Variants in PLA2R1 observed in about 807,000 individuals in gnomAD.
PLA2R1 encodes phospholipase A2 receptor 1.
Under a neutral mutation model 195.9 loss-of-function variants are expected in PLA2R1, and 158 were observed. The ratio of observed to expected loss-of-function variants is 0.81; its 90% CI spans 0.71 to 0.92. The LOEUF is 0.92. PLA2R1 is among the 40% of genes least tolerant of loss of function. The probability of loss-of-function intolerance (pLI) is 0.00; values close to 1 mark genes in which losing one functional copy is unlikely to be tolerated. For missense variants in PLA2R1, 1,626 were observed against 1,764.6 expected, an observed-to-expected ratio of 0.92 and a Z score of 1.41; for synonymous variants, 586 against 598.2, an observed-to-expected ratio of 0.98 and a Z score of 0.30.
intron 3 of PLA2R1, among the ~76,000 whole-genome samples, 179 bp downstream of exon 3, chr2:160,041,846 T>A (rs1259022190): frequency 6.6e-6 from 1 of 152,202 alleles, no homozygotes; most frequent in African/African-American, 2.4e-5. Flanking sequence ...AAAGAATATA[T>A]ATTAGAATTG....
intron 8 of PLA2R1, 28 bp downstream of exon 8, chr2:160,020,078 T>A: frequency 6.3e-7 from 1 of 1,584,484 alleles, no homozygotes; most frequent in Non-Finnish European, 8.6e-7. Context: ...ACCAGCAAAG[T>A]GAGCACTGAA....
intron 23 of PLA2R1, among the ~76,000 whole-genome samples, chr2:159,954,175 A>T (rs1215464980): frequency 3.3e-5 from 5 of 152,052 alleles, no homozygotes; most frequent in Admixed American, 3.3e-4. Flanking sequence ...TCATCTGTAA[A>T]ATGGGAGACT....
chr2:159,956,622 A>G lies in PLA2R1; in HGVS notation c.2910T>C (p.Leu970=), dbSNP rs752064426. ...KGWLYFNYKC[L]LLNIPKDPSS... ...TTGGGTCTTTGGGGATATTCAGCAG[A>G]AGGCACTATCAAAAAATGTCAAAAC... Residue 970 remains leucine, a synonymous_variant, in exon 21 of 30, where the codon CTT becomes CTC. Coordinates refer to ENST00000283243, the MANE Select transcript of PLA2R1 (RefSeq NM_007366.5). The G allele has an allele frequency of 6.3e-7, 1 of 1,580,274 alleles. No individual in the cohort carries two copies. The highest frequency in any genetic ancestry group is 1.3e-5 in the African/African-American group (1 of 74,434).
Position 159,955,259 on chromosome 2 carries a change from T to A in PLA2R1, c.3241A>T (p.Lys1081Ter), listed in dbSNP as rs1688010995. ...SSNPNFHFTG[K>*]WYFEDCGKEG... ...TTTCCACAGTCTTCAAAATACCATT[T>A]TCCAGTGAAATGAAAATTAGGATTA... is the stretch of plus-strand genomic sequence containing the variant. The change falls in exon 23 of 30, where the codon AAA becomes TAA. Residue 1081 changes from lysine (K) to a stop codon, truncating the protein, a stop_gained. Transcript: ENST00000283243. LOFTEE classifies it high-confidence loss of function. The A allele has an allele frequency of 1.9e-6, 3 of 1,611,030 alleles. No homozygotes were observed. In the South Asian group the frequency reaches 3.3e-5, roughly 18 times the overall value.
chr2:160,010,733 A>G (rs1304673963), intron 10 of PLA2R1, among the ~76,000 whole-genome samples: 6 of 152,246 alleles, frequency 3.9e-5, no homozygotes, highest in Non-Finnish European at 8.8e-5. Flanking sequence ...TGTATGGTGA[A>G]TCAAAAGCAG....
chr2:159,956,444 G>A, intron 21 of PLA2R1, 66 bp downstream of exon 21: 1 of 832,602 alleles, frequency 1.2e-6, no homozygotes, highest in Non-Finnish European at 2.1e-6. Context: ...TAGGTGGGGG[G>A]GATATTTTAA....
chr2:159,970,019 A>C, intron 18 of PLA2R1, 129 bp downstream of exon 18: 1 of 602,196 alleles, frequency 1.7e-6, no homozygotes. Context: ...GTCTTTGGTT[A>C]GAGAAGTGAA....
At chr2:159,966,621 G>A (rs1688809118) in intron 20 of PLA2R1, among the ~76,000 whole-genome samples, 1 of 152,134 alleles carries the variant, frequency 6.6e-6, no homozygotes, top group Non-Finnish European at 1.5e-5. Context: ...AAAAATCCAA[G>A]TGGCCTCATT....
At chr2:160,061,315 TCTCTC>T (rs1261819788) in intron 1 of PLA2R1, among the ~76,000 whole-genome samples, 6 of 152,124 alleles carry the variant, frequency 3.9e-5, no homozygotes, top group Non-Finnish European at 8.8e-5. Flanking sequence ...AGGCCAGAAA[TCTCTC>T]CTCCCTCTCT....
intron 1 of PLA2R1, among the ~76,000 whole-genome samples, chr2:160,051,466 G>C (rs1695207352): frequency 6.6e-6 from 1 of 152,224 alleles, no homozygotes; most frequent in Non-Finnish European, 1.5e-5. Flanking sequence ...TTTCAGCAGG[G>C]ATGCAGTCCA....
chr2:160,017,879 T>C (rs967764283), intron 8 of PLA2R1, among the ~76,000 whole-genome samples: 1 of 152,156 alleles, frequency 6.6e-6, no homozygotes, highest in African/African-American at 2.4e-5. Flanking sequence ...AGAGGAGCCC[T>C]GCATCGCTCC....
Position 160,032,950 on chromosome 2 carries a change from C to T in PLA2R1, c.841+9G>A, listed in dbSNP as rs775792275. On this transcript the variant is annotated intron_variant, in intron 4 of 29. Coordinates refer to ENST00000283243, the MANE Select transcript of PLA2R1 (RefSeq NM_007366.5). Reference sequence around the variant, plus strand: ...TATCAATATCAATGTGCGTCATCCACCTACTTACCCCTTATGAAATTTTCT... The same window carrying T: ...TATCAATATCAATGTGCGTCATCCATCTACTTACCCCTTATGAAATTTTCT... 2 of 1,580,838 alleles carry T rather than the reference C, an allele frequency of 1.3e-6. No homozygotes were observed. The highest frequency in any genetic ancestry group is 2.3e-5 in the South Asian group (2 of 88,690).
chr2:159,966,566 T>G (rs543676645), intron 20 of PLA2R1, among the ~76,000 whole-genome samples: 1 of 152,304 alleles, frequency 6.6e-6, no homozygotes, highest in South Asian at 2.1e-4. Flanking sequence ...TAAAAAAATT[T>G]AAAAGTCAGT....
At chr2:159,988,842 TG>T (rs1316576777) in intron 11 of PLA2R1, among the ~76,000 whole-genome samples, 1 of 151,990 alleles carries the variant, frequency 6.6e-6, no homozygotes. Context: ...AAATGAAGAG[TG>T]CAAAGGAGAA....
chr2:159,945,565 A>G (rs1467174006), intron 27 of PLA2R1, among the ~76,000 whole-genome samples: 2 of 152,252 alleles, frequency 1.3e-5, no homozygotes, highest in African/African-American at 4.8e-5. Context: ...TCCATGGTAT[A>G]TATGTGCCAC....
At chr2:160,062,034 C>T (rs369706945) in intron 1 of PLA2R1, among the ~76,000 whole-genome samples, 15 of 152,058 alleles carry the variant, frequency 9.9e-5, no homozygotes, top group Non-Finnish European at 2.1e-4. Context: ...CGAGACCAAG[C>T]CCCCCCGCCC....
chr2:159,960,821 C>A (rs905330541), intron 20 of PLA2R1, among the ~76,000 whole-genome samples: 3 of 152,136 alleles, frequency 2.0e-5, no homozygotes, highest in African/African-American at 7.2e-5. Context: ...AATTTGCCAA[C>A]AAAGTGGGAT....
At chr2:159,986,844 C>T (rs1690378632) in intron 12 of PLA2R1, among the ~76,000 whole-genome samples, 1 of 152,152 alleles carries the variant, frequency 6.6e-6, no homozygotes, top group South Asian at 2.1e-4. Context: ...GCCTCGGCCT[C>T]CCAAAGTGCT....
chr2:160,008,149 A>G (rs1405585761), intron 10 of PLA2R1, among the ~76,000 whole-genome samples: 1 of 152,094 alleles, frequency 6.6e-6, no homozygotes, highest in Non-Finnish European at 1.5e-5. Flanking sequence ...AAAACATAAA[A>G]AACATTTGCT....
Sources: allele counts gnomAD v4.1 joint callset (sites outside exome capture counted in the v4.1 genomes callset), GRCh38; gene constraint gnomAD v4.1.1; transcripts MANE v1.5; gene names NCBI Gene and HGNC (gene_info 2026-07-23, HGNC 2026-07-21).